ROBO1: variants seen among roughly 807,000 people sequenced by gnomAD.
ROBO1 encodes roundabout homolog 1.
In ROBO1, 149 loss-of-function variants were observed where a neutral mutation model predicts 195.9. The ratio of observed to expected loss-of-function variants is 0.76; its 90% CI spans 0.67 to 0.87. ROBO1 has a LOEUF of 0.87. Among genes scored for constraint, ROBO1 ranks in the 40% least tolerant of loss-of-function variants. The probability of loss-of-function intolerance (pLI) is 0.00; values close to 1 mark genes in which losing one functional copy is unlikely to be tolerated. For synonymous variants in ROBO1, 816 were observed against 733.2 expected, an observed-to-expected ratio of 1.11 and a Z score of -1.82; for missense variants, 1,933 against 2,068.3, an observed-to-expected ratio of 0.93 and a Z score of 1.27.
intron 27 of ROBO1, 33 bp downstream of exon 27, chr3:78,617,602 T>C (rs761399288): frequency 6.4e-7 from 1 of 1,561,526 alleles, no homozygotes; most frequent in East Asian, 2.2e-5. Context: ...TTGAGTTTTC[T>C]TTCCCAGCTT....
chr3:79,550,200 A>G (rs202021719), intron 2 of ROBO1, among the ~76,000 whole-genome samples: 927 of 34,858 alleles, frequency 0.027, 5 homozygotes, highest in South Asian at 0.042. Context: ...AGAAAGGAAA[A>G]GAAAAGAAAA....
chr3:78,617,740 A>C lies in ROBO1; in HGVS notation c.4177T>G (p.Ser1393Ala). The C allele has an allele frequency of 6.2e-7, 1 of 1,613,962 alleles. No individual in the cohort carries two copies. Among genetic ancestry groups the C allele is most frequent in the Non-Finnish European group, 8.5e-7 (1 of 1,179,868 alleles). Residue 1393 changes from serine (S) to alanine (A), a missense_variant, in exon 27 of 31, where the codon TCG becomes GCG. Ser to Ala is a moderately conservative substitution (Grantham distance 99). Transcript: ENST00000464233. The stretch of plus-strand genomic sequence containing the variant: ...GCATCAGTGAAAAAGGAGCCGTCCG[A>C]AGAACTAACACTGGAGCGTCCGCTG... The part of the protein sequence containing the change: ...ISSGRSSVSS[S>A]DGSFFTDADF...
At chr3:79,597,875 A>C (rs1343240457) in intron 1 of ROBO1, among the ~76,000 whole-genome samples, 1 of 152,086 alleles carries the variant, frequency 6.6e-6, no homozygotes, top group Non-Finnish European at 1.5e-5. Flanking sequence ...TGCAGAAGTA[A>C]GGAAATTGGC....
chr3:78,930,486 A>G (rs1308824893), intron 4 of ROBO1, among the ~76,000 whole-genome samples: 1 of 152,292 alleles, frequency 6.6e-6, no homozygotes, highest in Non-Finnish European at 1.5e-5. Context: ...ATTCCAGGTA[A>G]GAGAAAAACA....
At chr3:78,742,702 G>A (rs995466586) in intron 5 of ROBO1, among the ~76,000 whole-genome samples, 1 of 152,062 alleles carries the variant, frequency 6.6e-6, no homozygotes, top group Non-Finnish European at 1.5e-5. Context: ...CACCATCATG[G>A]ATCATCATTT....
chr3:79,284,670 T>A (rs2031772508), intron 2 of ROBO1, among the ~76,000 whole-genome samples: 1 of 152,144 alleles, frequency 6.6e-6, no homozygotes, highest in Non-Finnish European at 1.5e-5. Context: ...AGTAGAAACT[T>A]GAGCTGGAAT....
chr3:78,830,590 A>G (rs1243332596), intron 4 of ROBO1, among the ~76,000 whole-genome samples: 1 of 152,296 alleles, frequency 6.6e-6, no homozygotes, highest in East Asian at 1.9e-4. Flanking sequence ...AAGCCCTTAT[A>G]AAACCACCAG....
chr3:79,000,260 T>C (rs755629898), intron 3 of ROBO1, among the ~76,000 whole-genome samples: 1 of 152,150 alleles, frequency 6.6e-6, no homozygotes, highest in African/African-American at 2.4e-5. Context: ...TCAGATCTCT[T>C]TGATGGGGTT....
At chr3:78,742,079 C>T (rs2082545967) in intron 5 of ROBO1, among the ~76,000 whole-genome samples, 1 of 152,078 alleles carries the variant, frequency 6.6e-6, no homozygotes, top group South Asian at 2.1e-4. Flanking sequence ...CTACATATTT[C>T]CCCTTTTTGT....
chr3:78,922,285 A>T (rs1328827357), intron 4 of ROBO1, among the ~76,000 whole-genome samples: 1 of 152,146 alleles, frequency 6.6e-6, no homozygotes, highest in African/African-American at 2.4e-5. Flanking sequence ...CAGGAAAATC[A>T]TGGAGGAACG....
intron 3 of ROBO1, among the ~76,000 whole-genome samples, chr3:79,065,837 G>A (rs529621901): frequency 7.9e-5 from 12 of 151,856 alleles, no homozygotes; most frequent in Non-Finnish European, 1.3e-4. Flanking sequence ...CTAAAACACA[G>A]CAAAATTATA....
intron 2 of ROBO1, among the ~76,000 whole-genome samples, chr3:79,555,642 T>G (rs951842819): frequency 4.6e-5 from 7 of 152,130 alleles, no homozygotes; most frequent in African/African-American, 1.7e-4. Context: ...AAACTGAGAT[T>G]TCTGCTTTGT....
At chr3:78,716,901 C>T (rs1361215217) in intron 7 of ROBO1, among the ~76,000 whole-genome samples, 1 of 152,118 alleles carries the variant, frequency 6.6e-6, no homozygotes, top group African/African-American at 2.4e-5. Flanking sequence ...GAAAAGGAAG[C>T]CTGATTTTTA....
intron 3 of ROBO1, among the ~76,000 whole-genome samples, chr3:78,994,189 AT>A (rs1576530332): frequency 6.6e-6 from 1 of 152,194 alleles, no homozygotes; most frequent in East Asian, 1.9e-4. Context: ...CCATTCCTGG[AT>A]GGTCACAAGT....
intron 2 of ROBO1, among the ~76,000 whole-genome samples, chr3:79,225,505 A>G (rs2082211698): frequency 6.6e-6 from 1 of 152,178 alleles, no homozygotes; most frequent in Non-Finnish European, 1.5e-5. Flanking sequence ...CTAATTTACT[A>G]TCAACTTCTT....
chr3:79,365,845 C>G (rs564254822), intron 2 of ROBO1, among the ~76,000 whole-genome samples: 7 of 148,648 alleles, frequency 4.7e-5, no homozygotes, highest in Non-Finnish European at 7.4e-5. Flanking sequence ...TGCAGTGAGC[C>G]GAGATCGCGC....
intron 2 of ROBO1, among the ~76,000 whole-genome samples, chr3:79,322,719 T>G (rs756612462): frequency 7.9e-5 from 12 of 152,192 alleles, no homozygotes; most frequent in Non-Finnish European, 1.3e-4. Context: ...GCACTGTATA[T>G]TTTTTTCTAT....
chr3:78,757,272 T>C (rs2082958502), intron 4 of ROBO1, among the ~76,000 whole-genome samples: 1 of 152,210 alleles, frequency 6.6e-6, no homozygotes, highest in Non-Finnish European at 1.5e-5. Flanking sequence ...ACATAGGTGA[T>C]GCAAGGACTC....
intron 8 of ROBO1, among the ~76,000 whole-genome samples, chr3:78,699,288 A>C (rs1254327993): frequency 2.6e-5 from 4 of 150,992 alleles, no homozygotes; most frequent in Non-Finnish European, 2.9e-5. Context: ...TGTGCTTAAC[A>C]CTGTAATCCT....
Sources: allele counts gnomAD v4.1 joint callset (sites outside exome capture counted in the v4.1 genomes callset), GRCh38; gene constraint gnomAD v4.1.1; transcripts MANE v1.5; gene names NCBI Gene and HGNC (gene_info 2026-07-23, HGNC 2026-07-21).